EPS8L3: variants seen among roughly 807,000 people sequenced by gnomAD.
The protein encoded by EPS8L3 is epidermal growth factor receptor kinase substrate 8-like protein 3.
In EPS8L3, 80 loss-of-function variants were observed where a neutral mutation model predicts 88.5. That is an observed-to-expected ratio of 0.90 (90% confidence interval 0.75 to 1.09). EPS8L3 has a LOEUF of 1.09. Ranked by LOEUF, EPS8L3 falls within the 50% of genes least tolerant of loss-of-function variation. The pLI is 0.00. For missense variants in EPS8L3, 721 were observed against 735.2 expected (o/e 0.98, Z 0.22); for synonymous variants, 286 against 291.0 (o/e 0.98, Z 0.18).
At chr1:109,763,202 A>C (rs1651181388) in intron 1 of EPS8L3, among the ~76,000 whole-genome samples, 1 of 152,210 alleles carries the variant, frequency 6.6e-6, no homozygotes, top group Non-Finnish European at 1.5e-5. Context: ...GGACGGCTGG[A>C]TCTCTGGTTT....
chr1:109,750,628 C>T (rs760010466), intron 18 of EPS8L3, 32 bp downstream of exon 18: 1 of 1,613,836 alleles, frequency 6.2e-7, no homozygotes, highest in East Asian at 2.2e-5. Context: ...CAGACACTCC[C>T]AATGGTTGTC....
intron 13 of EPS8L3, 43 bp downstream of exon 13, chr1:109,753,074 G>A (rs778033156): frequency 6.5e-7 from 1 of 1,532,868 alleles, no homozygotes; most frequent in Admixed American, 1.7e-5. Context: ...AACTAGCCAG[G>A]GACTAGGGCT....
At position 109,757,657 on chromosome 1, in the gene EPS8L3, CAAA is replaced by C. The variant is rs751545186; in HGVS notation, c.895-105_895-103del. The C allele has an allele frequency of 6.5e-4, 920 of 1,410,024 alleles. 1 individual carries two copies. Among genetic ancestry groups the C allele is most frequent in the Admixed American group, 7.5e-4 (40 of 53,484 alleles). The allele number at this position is 1,410,024 out of a possible 1,614,324, so 87.3% of individuals were successfully genotyped here. On this transcript the variant is annotated intron_variant, in intron 10 of 18. Transcript: ENST00000361965. ...CCTTGGCTGGAAGGCTGGCACTTCC[CAAA>C]AGTCCCAAGAGGGGAGGGGAGGTTC...
rs1364895217 is a variant in EPS8L3 at position 109,751,898 on chromosome 1, C to T, written c.1434+97G>A. The T allele has an allele frequency of 3.2e-6, 5 of 1,567,298 alleles. No individual in the cohort carries two copies. The African/African-American group carries it at 5.4e-5, about 17-fold the overall frequency. On this transcript the variant is annotated intron_variant, in intron 15 of 18. Transcript: ENST00000361965. The stretch of plus-strand genomic sequence containing the variant: ...CCCTCCTTCTCCCTCTCTAGGCCAC[C>T]CACCTTGGCAGCTCCATCCCTGGAC...
intron 16 of EPS8L3, 92 bp from the exon 17 acceptor site, chr1:109,751,443 C>T: frequency 7.1e-7 from 1 of 1,412,098 alleles, no homozygotes; most frequent in East Asian, 2.3e-5. Flanking sequence ...AGGTTCCCAT[C>T]AAATCACTTC....
chr1:109,759,074 T>A lies in EPS8L3; in HGVS notation c.449A>T (p.Glu150Val). 6.2e-7 allele frequency: 1 copy of A among 1,606,824 alleles called. No homozygotes were observed. Among genetic ancestry groups the A allele is most frequent in the Non-Finnish European group, 8.5e-7 (1 of 1,177,472 alleles). Residue 150 changes from glutamate (E) to valine (V), a missense_variant, in exon 6 of 19, where the codon GAG becomes GTG. Glu to Val is a moderately radical substitution (Grantham distance 121, BLOSUM62 -2). Transcript: ENST00000361965. This position sits in a 1 kb window ranked among gnomAD's most constrained non-coding sequence, Gnocchi z 4.2. The stretch of plus-strand genomic sequence containing the variant: ...AGAGGCTGCCTACCTTTGCTCCAGC[T>A]CTTCCTCCAGAGCCTTCTGCAGGCT... ...KTSLQKALEE[E>V]LEQRPRLGGL... is the part of the protein sequence containing the mutation.
At chr1:109,763,539 C>A (rs78096967) in intron 1 of EPS8L3, among the ~76,000 whole-genome samples, 1 of 152,142 alleles carries the variant, frequency 6.6e-6, no homozygotes, top group Non-Finnish European at 1.5e-5. Flanking sequence ...CCATTTCCCC[C>A]CTTTAAGCCC....
chr1:109,763,238 C>T (rs1194578890), intron 1 of EPS8L3, among the ~76,000 whole-genome samples: 1 of 152,180 alleles, frequency 6.6e-6, no homozygotes, highest in Non-Finnish European at 1.5e-5. Context: ...CCCCTTTTCT[C>T]TCCAGGGGTA....
At position 109,761,554 on chromosome 1, in the gene EPS8L3, G is replaced by A. The variant is rs764444614; in HGVS notation, c.37C>T (p.Arg13Trp). ...GTGAGGTTCTGGGAGTACTCCTTCC[G>A]GTGCACTACAAGGGCACAGAGCAAG... ...RPSSRAIYLH[R>W]KEYSQNLTSE... The change falls in exon 3 of 19, where the codon CGG (arginine) becomes TGG (tryptophan). Residue 13 changes from arginine (R) to tryptophan (W), a missense_variant. Arg to Trp is a moderately radical substitution (Grantham distance 101, BLOSUM62 -3). Coordinates refer to ENST00000361965, the MANE Select transcript of EPS8L3 (RefSeq NM_133181.4). 3.1e-6 allele frequency: 5 copies of A among 1,613,754 alleles called. No individual in the cohort carries two copies. Among genetic ancestry groups the A allele is most frequent in the South Asian group, 1.1e-5 (1 of 91,050 alleles).
intron 3 of EPS8L3, among the ~76,000 whole-genome samples, chr1:109,760,565 C>A: frequency 6.6e-6 from 1 of 151,774 alleles, no homozygotes; most frequent in South Asian, 2.1e-4. Context: ...ATTCAGGGGA[C>A]TCTGGCATCA....
chr1:109,752,764 C>T (rs1300929454), intron 13 of EPS8L3, 44 bp from the exon 14 acceptor site: 1 of 1,530,868 alleles, frequency 6.5e-7, no homozygotes, highest in Admixed American at 2.0e-5. Flanking sequence ...AGGAGGCAGC[C>T]AGCATGGTGG....
In EPS8L3 at chr1:109,759,666, G is replaced by A; in HGVS notation, c.255+12C>T. ...CAGGCTGGCTATCACTGGGTTTGCT[G>A]GGAAGGCTGACCTTGGTCTCAATGT... On this transcript the variant is annotated intron_variant, in intron 4 of 18. Coordinates refer to ENST00000361965, the MANE Select transcript of EPS8L3 (RefSeq NM_133181.4). The surrounding 1 kb of genome is among the most constrained non-coding windows in gnomAD (Gnocchi z 4.2). 1 of 1,612,492 alleles carries A rather than the reference G, an allele frequency of 6.2e-7. No homozygotes were observed. The highest frequency in any genetic ancestry group is 8.5e-7 in the Non-Finnish European group (1 of 1,179,646).
rs766424561 is a variant in EPS8L3 at position 109,759,783 on chromosome 1, G to A, written c.150C>T (p.Ala50=). Residue 50 remains alanine, a synonymous_variant, in exon 4 of 19, where the codon GCC becomes GCT. Coordinates refer to ENST00000361965, the MANE Select transcript of EPS8L3 (RefSeq NM_133181.4). This position sits in a 1 kb window ranked among gnomAD's most constrained non-coding sequence, Gnocchi z 4.2. ...GSQRVQGPED[A]LQKLFEMDAQ... ...CATCCATCTCGAACAGCTTCTGCAA[G>A]GCATCCTCGGGCCCCTGGACTCTCT... 16 of 1,614,148 alleles carry A rather than the reference G, an allele frequency of 9.9e-6. No homozygotes were observed. The highest frequency in any genetic ancestry group is 1.4e-5 in the Non-Finnish European group (16 of 1,180,036).
chr1:109,751,411 C>T, intron 16 of EPS8L3, 60 bp from the exon 17 acceptor site: 3 of 1,542,072 alleles, frequency 1.9e-6, no homozygotes, highest in Non-Finnish European at 2.7e-6. Flanking sequence ...ACCACAGCCC[C>T]TAACATCTGG....
chr1:109,762,244 CTCT>C (rs1651056658), intron 1 of EPS8L3, among the ~76,000 whole-genome samples: 1 of 152,182 alleles, frequency 6.6e-6, no homozygotes, highest in Non-Finnish European at 1.5e-5. Context: ...CTGATGCTGG[CTCT>C]TCAGCTGTAG....
chr1:109,757,658 A>T, intron 10 of EPS8L3, 103 bp from the exon 11 acceptor site: 1 of 1,410,622 alleles, frequency 7.1e-7, no homozygotes, highest in Non-Finnish European at 9.9e-7. Flanking sequence ...GGCACTTCCC[A>T]AAAGTCCCAA....
rs1264038569 is a variant in EPS8L3, at chr1:109,761,479, C to T, written c.96+16G>A. On this transcript the variant is annotated intron_variant, in intron 3 of 18. Coordinates refer to ENST00000361965, the MANE Select transcript of EPS8L3 (RefSeq NM_133181.4). ...GGTTTAGTTGGACACTGCCCGGGGG[C>T]TGCAGAGGTACTCACCTCCACCCTG... 7.5e-6 allele frequency: 12 copies of T among 1,604,328 alleles called. No homozygotes were observed. The highest frequency in any genetic ancestry group is 1.1e-5 in the South Asian group (1 of 90,348).
chr1:109,757,956 T>C lies in EPS8L3; in HGVS notation c.820A>G (p.Lys274Glu). 6.2e-7 allele frequency: 1 copy of C among 1,614,138 alleles called. No individual in the cohort carries two copies. The highest frequency in any genetic ancestry group is 1.7e-5 in the Admixed American group (1 of 60,024). The change falls in exon 9 of 19, where the codon AAG (lysine) becomes GAG (glutamate). Residue 274 changes from lysine (K) to glutamate (E), a missense_variant. Transcript: ENST00000361965. ...CCTCAGTACTCACCTCCCTGGTCCTTGTTTTTTTTCCCAAATTTCTTCTTC... is the reference window on the plus strand; with the variant it reads ...CCTCAGTACTCACCTCCCTGGTCCTCGTTTTTTTTCCCAAATTTCTTCTTC... ...SRKKKFGKKN[K>E]DQGGLTQAQY...
At position 109,759,248 on chromosome 1, in the gene EPS8L3, T is replaced by G. The variant is rs755315522; in HGVS notation, c.395A>C (p.Gln132Pro). 5 of 1,613,918 alleles carry G rather than the reference T, an allele frequency of 3.1e-6. No individual in the cohort carries two copies. Among genetic ancestry groups the G allele is most frequent in the Non-Finnish European group, 4.2e-6 (5 of 1,179,948 alleles). ...CCCCCGACCACTCACCCCCACTTCC[T>G]GGCACTGGAAGAGCAGAGTGCTAGT... ...PGTSTLLFQCQEVGAERLKTS... is the reference protein window; with the variant it reads ...PGTSTLLFQCPEVGAERLKTS... The change falls in exon 5 of 19, where the codon CAG becomes CCG. Residue 132 changes from glutamine to proline, a missense_variant. By Grantham distance (76) the Gln-to-Pro change is moderately conservative. Coordinates refer to ENST00000361965, the MANE Select transcript of EPS8L3 (RefSeq NM_133181.4). The surrounding 1 kb of genome is among the most constrained non-coding windows in gnomAD (Gnocchi z 4.2).
Sources: allele counts gnomAD v4.1 joint callset (sites outside exome capture counted in the v4.1 genomes callset), GRCh38; gene constraint gnomAD v4.1.1; non-coding constraint Gnocchi (gnomAD v3.1); transcripts MANE v1.5; gene names NCBI Gene and HGNC (gene_info 2026-07-23, HGNC 2026-07-21).